MAMLD1: variants seen among roughly 807,000 people sequenced by gnomAD.
MAMLD1 encodes mastermind like domain containing 1, also known as mastermind-like domain-containing protein 1.
Under a neutral mutation model 45.0 loss-of-function variants are expected in MAMLD1, and 14 were observed. The ratio of observed to expected loss-of-function variants is 0.31; its 90% CI spans 0.21 to 0.49. The LOEUF is 0.49. MAMLD1 is among the 20% of genes least tolerant of loss of function. The probability of loss-of-function intolerance (pLI) is 0.99; values close to 1 mark genes in which losing one functional copy is unlikely to be tolerated. For missense variants in MAMLD1, 543 were observed against 603.6 expected, an observed-to-expected ratio of 0.90 and a Z score of 1.05; for synonymous variants, 254 against 247.8, an observed-to-expected ratio of 1.02 and a Z score of -0.24.
intron 6 of MAMLD1, among the ~76,000 whole-genome samples, chrX:150,506,303 C>T (rs979221461): frequency 1.9e-5 from 2 of 107,084 alleles, no homozygotes; most frequent in East Asian, 3.0e-4. Context: ...CTTCTCCCTC[C>T]TCCTCTACCC....
At position 150,470,965 on chromosome X, in the gene MAMLD1, T is replaced by C. The variant is rs1557406437; in HGVS notation, c.1392T>C (p.Ser464=). 1.1e-5 allele frequency: 13 copies of C among 1,211,973 alleles called. No individual in the cohort carries two copies. The highest frequency in any genetic ancestry group is 1.8e-5 in the South Asian group (1 of 57,007). ...CACCCTATCGCCCAGAGAAGCTCTC[T>C]AGCCCAGGCTTGCCACAGCAGTCCT... ...PSPPYRPEKL[S]SPGLPQQSFT... The change falls in exon 4 of 8, where the codon TCT becomes TCC. Residue 464 remains serine, a synonymous_variant. Coordinates refer to ENST00000370401, the MANE Select transcript of MAMLD1 (RefSeq NM_005491.5).
intron 5 of MAMLD1, among the ~76,000 whole-genome samples, chrX:150,484,212 A>G (rs1456327707): frequency 1.8e-5 from 2 of 112,966 alleles, no homozygotes; most frequent in Non-Finnish European, 3.7e-5. Flanking sequence ...TTACTAGTTC[A>G]TAAGCACAGA....
chrX:150,424,278 G>A (rs1324636893), intron 1 of MAMLD1, among the ~76,000 whole-genome samples: 4 of 112,732 alleles, frequency 3.5e-5, no homozygotes, highest in Non-Finnish European at 7.5e-5. Flanking sequence ...GTACTTGCCA[G>A]GAAGTCCTGG....
intron 1 of MAMLD1, among the ~76,000 whole-genome samples, chrX:150,375,402 G>A (rs927685700): frequency 2.7e-5 from 3 of 112,365 alleles, no homozygotes; most frequent in Non-Finnish European, 3.8e-5. Context: ...AGCAGGTTTG[G>A]AAAGCCCTTT....
intron 1 of MAMLD1, among the ~76,000 whole-genome samples, chrX:150,388,325 CTT>C (rs2033023481): frequency 1.8e-5 from 2 of 111,516 alleles, no homozygotes; most frequent in Admixed American, 9.5e-5. Flanking sequence ...TTTTTGTACT[CTT>C]TTTGATTTTC....
intron 5 of MAMLD1, 131 bp from the exon 6 acceptor site, chrX:150,503,140 CGTT>C (rs2037615335): frequency 1.7e-6 from 1 of 584,326 alleles, no homozygotes; most frequent in Admixed American, 2.2e-5. Context: ...TGTTTGGTTT[CGTT>C]CCACCAAAGC....
intron 1 of MAMLD1, among the ~76,000 whole-genome samples, chrX:150,398,284 G>C (rs1003980741): frequency 5.3e-5 from 4 of 75,492 alleles, no homozygotes; most frequent in African/African-American, 1.6e-4. Context: ...AGAAGAAGAA[G>C]AAGAAGAAGA....
At chrX:150,417,768 G>A (rs1482168539) in intron 1 of MAMLD1, among the ~76,000 whole-genome samples, 1 of 109,835 alleles carries the variant, frequency 9.1e-6, no homozygotes, top group Admixed American at 9.8e-5. Flanking sequence ...CAGTGATGAT[G>A]AGCATTTTTT....
chrX:150,488,859 G>A (rs1401346041), intron 5 of MAMLD1, among the ~76,000 whole-genome samples: 2 of 113,059 alleles, frequency 1.8e-5, no homozygotes, highest in Non-Finnish European at 3.7e-5. Context: ...GAAGTATGGT[G>A]GGACACCAGC....
chrX:150,430,493 A>T (rs1295748696), intron 1 of MAMLD1, among the ~76,000 whole-genome samples: 1 of 111,311 alleles, frequency 9.0e-6, no homozygotes, highest in Non-Finnish European at 1.9e-5. Context: ...TAGTTTATGA[A>T]TTTTTCCTTT....
intron 1 of MAMLD1, among the ~76,000 whole-genome samples, chrX:150,403,962 AAGAAAG>A (rs1233647103): frequency 1.7e-4 from 15 of 88,961 alleles, no homozygotes; most frequent in African/African-American, 6.7e-4. Context: ...GAAAGAAAGA[AAGAAAG>A]AAAGAAAGAA....
Position 150,481,960 on chromosome X carries a change from AGAAAAAAGAAAGAAAGAAAG to A in MAMLD1, c.2040+8159_2040+8178del, listed in dbSNP as rs1182878445. Among the ~76,000 whole-genome samples the A allele has an allele frequency of 6.4e-3, 595 of 92,786 alleles. 8 individuals are homozygous for A. Among genetic ancestry groups the A allele is most frequent in the African/African-American group, 0.022 (553 of 24,988 alleles). 80.6% of individuals were successfully genotyped at this position (92,786 alleles called of 115,157 possible). On this transcript the variant is annotated intron_variant, in intron 5 of 7. Transcript: ENST00000370401. Reference sequence around the variant, plus strand: ...AAAGAAAGAAAAAAGAAAGAAAGAAAGAAAAAAGAAAGAAAGAAAGAAAGAAAGAAAGAAAGAAAGAAAGA... The same window carrying A: ...AAAGAAAGAAAAAAGAAAGAAAGAAAAAAGAAAGAAAGAAAGAAAGAAAGA...
At chrX:150,426,149 A>G (rs1353198481) in intron 1 of MAMLD1, among the ~76,000 whole-genome samples, 2 of 111,114 alleles carry the variant, frequency 1.8e-5, no homozygotes, top group Non-Finnish European at 3.8e-5. Flanking sequence ...TGCTTCTCCC[A>G]GGTCTGGTTT....
chrX:150,481,709 A>G (rs1312886013), intron 5 of MAMLD1, among the ~76,000 whole-genome samples: 2 of 108,447 alleles, frequency 1.8e-5, no homozygotes, highest in Non-Finnish European at 3.8e-5. Context: ...CGTTGCCTGC[A>G]GTTTCAGCTA....
chrX:150,488,111 G>A (rs1557407729), intron 5 of MAMLD1, among the ~76,000 whole-genome samples: 1 of 112,718 alleles, frequency 8.9e-6, no homozygotes, highest in African/African-American at 3.2e-5. Flanking sequence ...GGCATCTACA[G>A]CCAACTTTTT....
intron 5 of MAMLD1, among the ~76,000 whole-genome samples, chrX:150,501,041 G>A (rs1285557919): frequency 9.0e-6 from 1 of 111,667 alleles, no homozygotes; most frequent in Non-Finnish European, 1.9e-5. Flanking sequence ...ATCTTCCGCC[G>A]CTGGTCATTT....
Position 150,386,701 on chromosome X carries a change from T to C in MAMLD1, c.-64+23171T>C, listed in dbSNP as rs1169675458. Among the ~76,000 whole-genome samples the C allele has an allele frequency of 1.8e-5, 2 of 111,480 alleles. 1 individual carries two copies. The highest frequency in any genetic ancestry group is 1.9e-4 in the Admixed American group (2 of 10,476). Reference sequence around the variant, plus strand: ...CCTTTATAGATAAGGGCAGCCCTGATCATGAACCTGGACTGCCTTTGCCCG... The same window carrying C: ...CCTTTATAGATAAGGGCAGCCCTGACCATGAACCTGGACTGCCTTTGCCCG... On this transcript the variant is annotated intron_variant, in intron 1 of 7. Transcript: ENST00000370401.
chrX:150,485,618 C>T (rs2036961975), intron 5 of MAMLD1, among the ~76,000 whole-genome samples: 1 of 112,039 alleles, frequency 8.9e-6, no homozygotes, highest in Non-Finnish European at 1.9e-5. Flanking sequence ...TTCTAGTTTG[C>T]ATCAGAATTG....
chrX:150,376,937 G>A (rs782661906), intron 1 of MAMLD1, among the ~76,000 whole-genome samples: 1 of 109,872 alleles, frequency 9.1e-6, no homozygotes, highest in South Asian at 3.9e-4. Flanking sequence ...GTAACAGTTT[G>A]TCTTGTCTAA....
Sources: allele counts gnomAD v4.1 joint callset (sites outside exome capture counted in the v4.1 genomes callset), GRCh38; gene constraint gnomAD v4.1.1; transcripts MANE v1.5; gene names NCBI Gene and HGNC (gene_info 2026-07-23, HGNC 2026-07-21).